The following FBXO16 variants were observed in gnomAD, a reference collection of about 807,000 sequenced individuals.
The protein encoded by FBXO16 is F-box protein 16, also known as F-box only protein 16.
FBXO16 carries 31 observed loss-of-function variants against 41.0 expected under a neutral mutation model. The observed-to-expected ratio is 0.76, with a 90% CI of 0.57 to 1.02. FBXO16 has a LOEUF of 1.02. Among genes scored for constraint, FBXO16 ranks in the 50% least tolerant of loss-of-function variants. The pLI is 0.00. For missense variants in FBXO16, 361 were observed against 346.2 expected (o/e 1.04, Z -0.34); for synonymous variants, 133 against 117.8 (o/e 1.13, Z -0.84).
In FBXO16 at chr8:28,453,264, A is replaced by G. The variant is rs116879581; in HGVS notation, c.508-788T>C. On this transcript the variant is annotated intron_variant, in intron 5 of 8. Coordinates refer to ENST00000380254, the MANE Select transcript of FBXO16 (RefSeq NM_172366.4). ...CTGTCTTGCTTCAAGCCCACACATA[A>G]GACCTCCCTATCCTACTCTTGTACT... 8.5e-3 allele frequency among the ~76,000 whole-genome samples: 1,275 copies of G among 149,442 alleles called. 14 individuals carry two copies. Among genetic ancestry groups the G allele is most frequent in the Non-Finnish European group, 0.012 (842 of 68,022 alleles).
chr8:28,463,630 G>GA lies in FBXO16; in HGVS notation c.323_324insT (p.Leu109ProfsTer16), dbSNP rs1803181695. ...CCTTTACCTGTGCACAACGACAAAG[G>GA]CTCCGAGGGTCCAGGAAAGAAAAGA... is the stretch of plus-strand genomic sequence containing the variant. On this transcript the variant is annotated frameshift_variant, in exon 4 of 9. Transcript: ENST00000380254. LOFTEE classifies it high-confidence loss of function. 1.2e-6 allele frequency: 2 copies of GA among 1,614,016 alleles called. No homozygotes were observed. The highest frequency in any genetic ancestry group is 4.5e-5 in the East Asian group (2 of 44,882).
At chr8:28,465,451 C>A in intron 3 of FBXO16, 1 of 447,630 alleles carries the variant, frequency 2.2e-6, no homozygotes, top group Non-Finnish European at 4.5e-6. Flanking sequence ...CCCATCTGCA[C>A]AAAAAAATAA....
intron 2 of FBXO16, among the ~76,000 whole-genome samples, chr8:28,477,335 C>A (rs1803439089): frequency 6.6e-6 from 1 of 152,098 alleles, no homozygotes; most frequent in Non-Finnish European, 1.5e-5. Context: ...TATGGAAGCC[C>A]CTTGAAATTA....
At chr8:28,432,378 G>T (rs1585887668) in intron 7 of FBXO16, among the ~76,000 whole-genome samples, 2 of 152,052 alleles carry the variant, frequency 1.3e-5, no homozygotes, top group South Asian at 4.1e-4. Context: ...GGAGGCTGAG[G>T]CAGGAGAATC....
chr8:28,445,746 TCTTTC>T (rs1412096990), intron 7 of FBXO16, among the ~76,000 whole-genome samples: 2 of 152,116 alleles, frequency 1.3e-5, no homozygotes, highest in East Asian at 3.8e-4. Context: ...TCTCTCTCTC[TCTTTC>T]TTTTTTCTTT....
At chr8:28,451,971 G>A (rs1222759024) in intron 6 of FBXO16, among the ~76,000 whole-genome samples, 1 of 135,644 alleles carries the variant, frequency 7.4e-6, no homozygotes, top group Non-Finnish European at 1.5e-5. Flanking sequence ...GTGAGTGTCA[G>A]AGCAAGACTC....
chr8:28,472,187 C>A (rs1803348973), intron 3 of FBXO16, among the ~76,000 whole-genome samples: 1 of 152,096 alleles, frequency 6.6e-6, no homozygotes, highest in Non-Finnish European at 1.5e-5. Context: ...AACTCCTGGG[C>A]TCAAGCAATC....
At chr8:28,443,767 A>G (rs1288537999) in intron 7 of FBXO16, among the ~76,000 whole-genome samples, 1 of 152,154 alleles carries the variant, frequency 6.6e-6, no homozygotes, top group Non-Finnish European at 1.5e-5. Context: ...GGTTGCAATA[A>G]AAAAGCCGGC....
At chr8:28,435,799 T>C (rs1037263054) in intron 7 of FBXO16, among the ~76,000 whole-genome samples, 1 of 152,168 alleles carries the variant, frequency 6.6e-6, no homozygotes, top group African/African-American at 2.4e-5. Flanking sequence ...TCAATTGGTC[T>C]GTGGATTTGA....
chr8:28,441,906 ATATATGTGTGTGTGTGTGTG>A (rs1802784211), intron 7 of FBXO16, among the ~76,000 whole-genome samples: 1 of 139,466 alleles, frequency 7.2e-6, no homozygotes, highest in African/African-American at 2.8e-5. Context: ...CAGTGTATAT[ATATATGTGTGTGTGTGTGTG>A]TGTGTGTGTG....
At chr8:28,484,069 A>T (rs1255984669) in intron 1 of FBXO16, among the ~76,000 whole-genome samples, 1 of 152,160 alleles carries the variant, frequency 6.6e-6, no homozygotes, top group Admixed American at 6.5e-5. Context: ...AAGTGGTGTA[A>T]CTGGTAGTCA....
chr8:28,439,106 A>G (rs1267619668), intron 7 of FBXO16, among the ~76,000 whole-genome samples: 1 of 151,376 alleles, frequency 6.6e-6, no homozygotes, highest in Non-Finnish European at 1.5e-5. Flanking sequence ...AAAAAAAAAA[A>G]AAAGAAAAGA....
intron 3 of FBXO16, among the ~76,000 whole-genome samples, chr8:28,469,973 G>A (rs1300104192): frequency 1.3e-5 from 2 of 151,764 alleles, no homozygotes; most frequent in Non-Finnish European, 2.9e-5. Context: ...GGGAGGCCGA[G>A]GCGGCTGGAC....
chr8:28,447,514 A>G, intron 6 of FBXO16: 1 of 457,810 alleles, frequency 2.2e-6, no homozygotes, highest in Admixed American at 3.5e-5. Context: ...TCAACTGTGG[A>G]AGGATCTCCA....
intron 6 of FBXO16, among the ~76,000 whole-genome samples, chr8:28,449,303 A>G (rs1802914966): frequency 6.6e-6 from 1 of 150,540 alleles, no homozygotes; most frequent in Non-Finnish European, 1.5e-5. Flanking sequence ...ATCGAATGCA[A>G]TATGTAGACT....
chr8:28,447,591 TC>T (rs1802885447), intron 6 of FBXO16: 1 of 253,582 alleles, frequency 3.9e-6, no homozygotes, highest in Non-Finnish European at 7.7e-6. Flanking sequence ...GCCATTCCTT[TC>T]AAGAAGAAGG....
chr8:28,459,422 T>C (rs1430292846), intron 4 of FBXO16, among the ~76,000 whole-genome samples: 2 of 151,520 alleles, frequency 1.3e-5, no homozygotes, highest in Non-Finnish European at 2.9e-5. Flanking sequence ...GTTCCAGACC[T>C]GTCTGGCCAA....
chr8:28,467,483 T>C (rs1442754957), intron 3 of FBXO16, among the ~76,000 whole-genome samples: 2 of 152,218 alleles, frequency 1.3e-5, no homozygotes, highest in South Asian at 4.1e-4. Context: ...AATATATGTA[T>C]AAAATTCCTA....
chr8:28,457,032 A>G (rs1803051052), intron 4 of FBXO16, 102 bp from the exon 5 acceptor site: 4 of 1,313,820 alleles, frequency 3.0e-6, no homozygotes, highest in Non-Finnish European at 3.1e-6. Context: ...GACCTGAGAA[A>G]ACTTTTTTGT....
Sources: allele counts gnomAD v4.1 joint callset (sites outside exome capture counted in the v4.1 genomes callset), GRCh38; gene constraint gnomAD v4.1.1; transcripts MANE v1.5; gene names NCBI Gene and HGNC (gene_info 2026-07-23, HGNC 2026-07-21).